Variants in ITGAL observed in about 807,000 individuals in gnomAD.
The protein encoded by ITGAL is integrin alpha-L.
ITGAL carries 68 observed loss-of-function variants against 138.4 expected under a neutral mutation model. The ratio of observed to expected loss-of-function variants is 0.49; its 90% confidence interval spans 0.40 to 0.60. ITGAL has a LOEUF of 0.60. Among genes scored for constraint, ITGAL ranks in the 20% least tolerant of loss-of-function variants. The pLI, the probability that ITGAL is intolerant of heterozygous loss-of-function variation, is 0.00. For synonymous variants in ITGAL, 561 were observed against 584.3 expected (o/e 0.96, Z 0.57); for missense variants, 1,256 against 1,478.6 (o/e 0.85, Z 2.47).
chr16:30,482,869 C>G (rs1408794975), intron 7 of ITGAL, among the ~76,000 whole-genome samples: 2 of 152,010 alleles, frequency 1.3e-5, no homozygotes, highest in Non-Finnish European at 2.9e-5. Flanking sequence ...CTCTGTTGCC[C>G]AGGCTGGAGC....
At chr16:30,485,328 G>A (rs2151148622) in intron 9 of ITGAL, among the ~76,000 whole-genome samples, 1 of 78,932 alleles carries the variant, frequency 1.3e-5, no homozygotes, top group Non-Finnish European at 2.5e-5. Flanking sequence ...CCAGGCTCAC[G>A]CCATTCTCCT....
rs2050949864 is a variant in ITGAL at position 30,504,275 on chromosome 16, A to G, written c.2235+11A>G. 1 of 1,588,646 alleles carries G rather than the reference A, an allele frequency of 6.3e-7. No individual in the cohort carries two copies. The highest frequency in any genetic ancestry group is 1.3e-5 in the African/African-American group (1 of 74,264). On this transcript the variant is annotated intron_variant, in intron 18 of 30. Transcript: ENST00000356798. ...AGGGACCAAAGGGCGGTAAGAAGAGATGGCTAGGGATGGTGGGGAGTTTAT... is the reference window on the plus strand; with the variant it reads ...AGGGACCAAAGGGCGGTAAGAAGAGGTGGCTAGGGATGGTGGGGAGTTTAT...
intron 11 of ITGAL, among the ~76,000 whole-genome samples, chr16:30,493,579 C>T (rs1402525838): frequency 6.6e-6 from 1 of 152,002 alleles, no homozygotes; most frequent in Non-Finnish European, 1.5e-5. Flanking sequence ...CCTGGACTCC[C>T]ATTTTAATTT....
chr16:30,486,548 G>A (rs2050649343), intron 9 of ITGAL, among the ~76,000 whole-genome samples: 1 of 152,096 alleles, frequency 6.6e-6, no homozygotes, highest in Admixed American at 6.6e-5. Flanking sequence ...TGGCTTTTAA[G>A]CTGAGATATG....
At chr16:30,520,277 T>A (rs145122866) in intron 30 of ITGAL, among the ~76,000 whole-genome samples, 1,914 of 152,138 alleles carry the variant, frequency 0.013, 27 homozygotes, top group Non-Finnish European at 0.019. Context: ...CTACAAAAAA[T>A]TTTAAAAATT....
intron 2 of ITGAL, among the ~76,000 whole-genome samples, chr16:30,474,820 G>C (rs2050444718): frequency 6.6e-6 from 1 of 151,650 alleles, no homozygotes; most frequent in Non-Finnish European, 1.5e-5. Context: ...GATTCTGTAG[G>C]GAAGAGATGA....
At position 30,483,871 on chromosome 16, in the gene ITGAL, C is replaced by A; in HGVS notation, c.767C>A (p.Thr256Asn). 6.2e-7 allele frequency: 1 copy of A among 1,614,078 alleles called. No individual in the cohort carries two copies. The highest frequency in any genetic ancestry group is 8.5e-7 in the Non-Finnish European group (1 of 1,179,998). ...REELGARPDA[T>N]KVLIIITDGE... is the part of the protein sequence containing the mutation. ...GAGCTGGGGGCCCGGCCAGATGCCA[C>A]CAAAGTGCTTATCATCATCACGGAT... The change falls in exon 8 of 31, where the codon ACC becomes AAC. Residue 256 changes from threonine to asparagine, a missense_variant. Around this residue, in one of 3 missense-constraint regions of ITGAL, gnomAD observed 177 missense variants for 288.8 expected, o/e 0.61. Transcript: ENST00000356798.
chr16:30,488,961 A>C (rs2151151536), intron 9 of ITGAL, 121 bp from the exon 10 acceptor site: 1 of 809,012 alleles, frequency 1.2e-6, no homozygotes, highest in South Asian at 1.5e-5. Flanking sequence ...CCTGACCCTC[A>C]CATGCATGCC....
intron 17 of ITGAL, among the ~76,000 whole-genome samples, chr16:30,501,723 C>G (rs923353395): frequency 6.6e-6 from 1 of 151,494 alleles, no homozygotes; most frequent in Non-Finnish European, 1.5e-5. Flanking sequence ...ATGTATGGTA[C>G]ATGGAAAAAA....
chr16:30,478,766 T>G (rs1415492313), intron 4 of ITGAL, among the ~76,000 whole-genome samples: 2 of 151,628 alleles, frequency 1.3e-5, no homozygotes, highest in African/African-American at 4.8e-5. Context: ...TAATTTGATT[T>G]GGCTGGAACA....
chr16:30,514,442 A>G (rs1423413901), intron 25 of ITGAL, among the ~76,000 whole-genome samples: 3 of 151,702 alleles, frequency 2.0e-5, no homozygotes, highest in African/African-American at 7.3e-5. Context: ...ATGCCCGGCT[A>G]ATTTTTGTAT....
At chr16:30,482,969 A>G (rs1465431871) in intron 7 of ITGAL, among the ~76,000 whole-genome samples, 1 of 152,028 alleles carries the variant, frequency 6.6e-6, no homozygotes, top group Admixed American at 6.6e-5. Context: ...TGGGACTACA[A>G]TCACACACCA....
chr16:30,479,303 C>T (rs1375511471), intron 5 of ITGAL, 28 bp from the exon 6 acceptor site: 1 of 1,613,714 alleles, frequency 6.2e-7, no homozygotes, highest in Middle Eastern at 1.6e-4. Context: ...AGATGCTTCA[C>T]TGGGTCCCTT....
chr16:30,480,962 A>G (rs2050544891), intron 6 of ITGAL: 1 of 160,878 alleles, frequency 6.2e-6, no homozygotes, highest in African/African-American at 2.4e-5. Flanking sequence ...GTGACCGTGC[A>G]CTCCAGCCTG....
intron 25 of ITGAL, among the ~76,000 whole-genome samples, chr16:30,515,345 C>T (rs2151205653): frequency 6.6e-6 from 1 of 152,300 alleles, no homozygotes; most frequent in African/African-American, 2.4e-5. Flanking sequence ...CACCTTCTTG[C>T]AACTGGACTA....
At position 30,506,757 on chromosome 16, in the gene ITGAL, G is replaced by A. The variant is rs2151167837; in HGVS notation, c.2409G>A (p.Val803=). 1 of 1,613,822 alleles carries A rather than the reference G, an allele frequency of 6.2e-7. No individual in the cohort carries two copies. The highest frequency in any genetic ancestry group is 8.5e-7 in the Non-Finnish European group (1 of 1,179,878). ...TAACTGCTTTTGCCAGCCTCTCTGT[G>A]GAGCTGAGCCTGAGTAACTTGGAAG... ...LRLTAFASLS[V]ELSLSNLEED... The change falls in exon 21 of 31, where the codon GTG becomes GTA. Residue 803 remains valine, a synonymous_variant. Coordinates refer to ENST00000356798, the MANE Select transcript of ITGAL (RefSeq NM_002209.3).
chr16:30,473,982 T>C, intron 1 of ITGAL: 1 of 684,034 alleles, frequency 1.5e-6, no homozygotes, highest in East Asian at 2.8e-5. Context: ...AAACGGGAAG[T>C]TGTATCCTCA....
intron 15 of ITGAL, among the ~76,000 whole-genome samples, chr16:30,497,120 G>A (rs1053301635): frequency 1.3e-5 from 2 of 151,982 alleles, no homozygotes; most frequent in Non-Finnish European, 2.9e-5. Context: ...CGAGGCGGGC[G>A]GATCACGAGG....
chr16:30,497,726 G>A (rs574971525), intron 15 of ITGAL, among the ~76,000 whole-genome samples: 3 of 151,746 alleles, frequency 2.0e-5, no homozygotes, highest in South Asian at 2.1e-4. Flanking sequence ...GGATCCGCCC[G>A]TCTCGGCCTC....
Sources: allele counts gnomAD v4.1 joint callset (sites outside exome capture counted in the v4.1 genomes callset), GRCh38; gene constraint gnomAD v4.1.1; regional missense constraint gnomAD v4.1.1; transcripts MANE v1.5; gene names NCBI Gene and HGNC (gene_info 2026-07-23, HGNC 2026-07-21).